DACH2: variants seen among roughly 807,000 people sequenced by gnomAD.
DACH2 encodes the protein dachshund family transcription factor 2, also known as dachshund homolog 2.
DACH2 carries 17 observed loss-of-function variants against 35.8 expected under a neutral mutation model. That is an observed-to-expected ratio of 0.48 (90% CI 0.33 to 0.71). The LOEUF (loss-of-function observed/expected upper bound fraction) is 0.71. Ranked by LOEUF, DACH2 falls within the 30% of genes least tolerant of loss-of-function variation. The pLI is 0.02. For synonymous variants in DACH2, 195 were observed against 177.3 expected, an observed-to-expected ratio of 1.10 and a Z score of -0.79; for missense variants, 469 against 472.7, an observed-to-expected ratio of 0.99 and a Z score of 0.07.
At chrX:86,363,729 ATAT>A (rs2035769587) in intron 1 of DACH2, among the ~76,000 whole-genome samples, 1 of 111,075 alleles carries the variant, frequency 9.0e-6, no homozygotes, top group Non-Finnish European at 1.9e-5. Context: ...TGGTATTAAG[ATAT>A]TATTTATCTG....
intron 2 of DACH2, among the ~76,000 whole-genome samples, chrX:86,411,108 T>C (rs1199957917): frequency 1.0e-5 from 1 of 98,477 alleles, no homozygotes; most frequent in Non-Finnish European, 2.0e-5. Context: ...ATAGGCTGTC[T>C]TCAAGCTGCT....
At chrX:86,820,228 G>A (rs2042497071) in intron 11 of DACH2, among the ~76,000 whole-genome samples, 1 of 111,782 alleles carries the variant, frequency 8.9e-6, no homozygotes. Context: ...TTTGCCCATG[G>A]AATGTCAATT....
At chrX:86,484,213 A>G (rs1005231931) in intron 2 of DACH2, among the ~76,000 whole-genome samples, 1 of 111,862 alleles carries the variant, frequency 8.9e-6, no homozygotes, top group Non-Finnish European at 1.9e-5. Context: ...ATTTGCATCA[A>G]GATTAAGTAA....
intron 2 of DACH2, among the ~76,000 whole-genome samples, chrX:86,436,636 G>A (rs896157875): frequency 9.0e-6 from 1 of 110,843 alleles, no homozygotes; most frequent in African/African-American, 3.3e-5. Flanking sequence ...TTGGTATCAG[G>A]TTAATGCTAA....
At chrX:86,251,417 T>G (rs1375230614) in intron 1 of DACH2, among the ~76,000 whole-genome samples, 1 of 110,933 alleles carries the variant, frequency 9.0e-6, no homozygotes, top group Admixed American at 9.6e-5. Context: ...TGGTGATTTC[T>G]GAGATTTTGG....
chrX:86,640,080 G>T (rs1457006278), intron 3 of DACH2, among the ~76,000 whole-genome samples: 1 of 110,895 alleles, frequency 9.0e-6, no homozygotes, highest in Non-Finnish European at 1.9e-5. Flanking sequence ...ACTGGAGCGG[G>T]CCCCAAGCAT....
intron 5 of DACH2, among the ~76,000 whole-genome samples, chrX:86,698,411 G>A (rs2148446775): frequency 9.4e-6 from 1 of 106,104 alleles, no homozygotes; most frequent in Non-Finnish European, 1.9e-5. Flanking sequence ...AAAGAAAATT[G>A]TATACTTTGG....
At chrX:86,730,747 TG>T (rs2041523687) in intron 6 of DACH2, among the ~76,000 whole-genome samples, 1 of 111,754 alleles carries the variant, frequency 8.9e-6, no homozygotes, top group Admixed American at 9.5e-5. Context: ...GAAAACATAG[TG>T]GAGTTTGCTT....
intron 3 of DACH2, among the ~76,000 whole-genome samples, chrX:86,576,737 C>T (rs1236895121): frequency 1.8e-5 from 2 of 111,303 alleles, no homozygotes; most frequent in African/African-American, 6.5e-5. Context: ...GTGTTTGGGT[C>T]ATAGGGTCTG....
chrX:86,401,483 T>C (rs1380798147), intron 2 of DACH2, among the ~76,000 whole-genome samples: 1 of 112,078 alleles, frequency 8.9e-6, no homozygotes, highest in Admixed American at 9.5e-5. Flanking sequence ...CGCTGGGAGC[T>C]GTAGACTGGA....
intron 3 of DACH2, among the ~76,000 whole-genome samples, chrX:86,529,592 C>G (rs756363294): frequency 9.1e-6 from 1 of 109,605 alleles, no homozygotes; most frequent in East Asian, 2.9e-4. Context: ...CCTGCCTCAG[C>G]CTCCTGAGTA....
chrX:86,432,733 A>G (rs1415343365), intron 2 of DACH2, among the ~76,000 whole-genome samples: 3 of 112,006 alleles, frequency 2.7e-5, no homozygotes, highest in Non-Finnish European at 3.8e-5. Context: ...TATCTAAAGA[A>G]CTTCATCTAT....
At chrX:86,250,497 A>G (rs1277326142) in intron 1 of DACH2, among the ~76,000 whole-genome samples, 1 of 111,527 alleles carries the variant, frequency 9.0e-6, no homozygotes, top group African/African-American at 3.2e-5. Context: ...TACACAAAAA[A>G]TCAACTGGAG....
At chrX:86,650,792 AT>A (rs1304491352) in intron 3 of DACH2, among the ~76,000 whole-genome samples, 7 of 111,434 alleles carry the variant, frequency 6.3e-5, no homozygotes, top group Admixed American at 9.6e-5. Context: ...ATTGTTAAAA[AT>A]ATTAACAAAT....
chrX:86,828,584 A>G (rs909979452), intron 11 of DACH2: 2 of 111,768 alleles, frequency 1.8e-5, no homozygotes, highest in Non-Finnish European at 3.8e-5. Flanking sequence ...AAAAATCTAT[A>G]GGCATAAGAA....
chrX:86,636,176 A>G (rs6418347), intron 3 of DACH2, among the ~76,000 whole-genome samples: 40,714 of 110,060 alleles, frequency 0.37, 6,315 homozygotes, highest in East Asian at 0.82. Context: ...GCTGGGCACA[A>G]TGGCTCACAC....
intron 1 of DACH2, among the ~76,000 whole-genome samples, chrX:86,155,590 T>C (rs984852714): frequency 9.0e-6 from 1 of 111,077 alleles, no homozygotes; most frequent in Non-Finnish European, 1.9e-5. Context: ...ATGCTGTCAA[T>C]TGATGTGAAA....
chrX:86,397,873 A>C (rs1315897118), intron 2 of DACH2, among the ~76,000 whole-genome samples: 2 of 111,780 alleles, frequency 1.8e-5, no homozygotes, highest in Admixed American at 9.5e-5. Flanking sequence ...TGTCTCTGCC[A>C]GGCTTTGGTA....
chrX:86,533,727 T>C (rs1602617519), intron 3 of DACH2, among the ~76,000 whole-genome samples: 1 of 112,026 alleles, frequency 8.9e-6, no homozygotes, highest in Non-Finnish European at 1.9e-5. Context: ...ACCAAGTTCT[T>C]TCTACAAAAT....
Sources: gnomAD v4.1 joint callset for allele counts (sites outside exome capture counted in the v4.1 genomes callset) on GRCh38, gnomAD v4.1.1 for gene constraint, MANE v1.5 for transcripts, NCBI Gene and HGNC (gene_info 2026-07-23, HGNC 2026-07-21) for gene names.